ITPR2: variants seen among roughly 807,000 people sequenced by gnomAD.
ITPR2 encodes the protein inositol 1,4,5-trisphosphate-gated calcium channel ITPR2.
ITPR2 carries 207 observed loss-of-function variants against 317.1 expected under a neutral mutation model. The observed-to-expected ratio is 0.65, with a 90% CI of 0.58 to 0.73. ITPR2 has a LOEUF of 0.73. Ranked by LOEUF, ITPR2 falls within the 30% of genes least tolerant of loss-of-function variation. The pLI is 0.00. For synonymous variants in ITPR2, 1,156 were observed against 1,149.1 expected (o/e 1.01, Z -0.12); for missense variants, 2,613 against 3,284.0 (o/e 0.80, Z 4.99).
chr12:26,438,380 T>G (rs899746166), intron 47 of ITPR2, among the ~76,000 whole-genome samples: 1 of 152,138 alleles, frequency 6.6e-6, no homozygotes, highest in African/African-American at 2.4e-5. Context: ...AATAGAAGTA[T>G]TGAGAACATA....
intron 45 of ITPR2, among the ~76,000 whole-genome samples, chr12:26,461,110 C>T (rs1942008401): frequency 6.6e-6 from 1 of 152,158 alleles, no homozygotes; most frequent in African/African-American, 2.4e-5. Context: ...GGAGAAAGAA[C>T]CTCTGGAGTG....
At chr12:26,533,273 TG>T (rs1185488112) in intron 37 of ITPR2, among the ~76,000 whole-genome samples, 1 of 152,252 alleles carries the variant, frequency 6.6e-6, no homozygotes, top group Admixed American at 6.5e-5. Context: ...TCCAATCAAC[TG>T]GTTTTTTTCA....
At chr12:26,823,856 C>G (rs1480143188) in intron 1 of ITPR2, among the ~76,000 whole-genome samples, 1 of 152,098 alleles carries the variant, frequency 6.6e-6, no homozygotes, top group Non-Finnish European at 1.5e-5. Context: ...CACAAATCTC[C>G]TCAAAAACTA....
At chr12:26,583,189 T>C (rs1476012604) in intron 32 of ITPR2, among the ~76,000 whole-genome samples, 1 of 152,190 alleles carries the variant, frequency 6.6e-6, no homozygotes. Context: ...TATAATTGTT[T>C]TTATCAATTT....
intron 50 of ITPR2, among the ~76,000 whole-genome samples, chr12:26,418,039 A>G (rs1291674408): frequency 1.3e-5 from 2 of 152,212 alleles, no homozygotes; most frequent in African/African-American, 4.8e-5. Context: ...TTGCTGAATA[A>G]TCTAACTTAA....
At chr12:26,539,608 C>A (rs992062498) in intron 37 of ITPR2, among the ~76,000 whole-genome samples, 6 of 152,192 alleles carry the variant, frequency 3.9e-5, no homozygotes, top group African/African-American at 1.4e-4. Flanking sequence ...CTGCTCCAAT[C>A]CCCCTTGGCT....
At chr12:26,428,783 A>G (rs1002290096) in intron 48 of ITPR2, among the ~76,000 whole-genome samples, 5 of 152,214 alleles carry the variant, frequency 3.3e-5, no homozygotes, top group African/African-American at 4.8e-5. Flanking sequence ...TTTCTTTAAT[A>G]AGTAGTACAA....
At chr12:26,758,564 A>G (rs916665246) in intron 2 of ITPR2, among the ~76,000 whole-genome samples, 2 of 152,220 alleles carry the variant, frequency 1.3e-5, no homozygotes, top group African/African-American at 4.8e-5. Context: ...TTGCATGTCT[A>G]GTATATAAGG....
intron 54 of ITPR2, among the ~76,000 whole-genome samples, chr12:26,391,509 G>T (rs1473975103): frequency 6.7e-6 from 1 of 149,470 alleles, no homozygotes; most frequent in Non-Finnish European, 1.5e-5. Flanking sequence ...CAAAGCTAAG[G>T]CATCTGTATT....
intron 39 of ITPR2, among the ~76,000 whole-genome samples, chr12:26,487,748 AGTTTATGGAAAGTTACAAAG>A (rs1942705149): frequency 6.6e-6 from 1 of 152,148 alleles, no homozygotes; most frequent in Admixed American, 6.5e-5. Flanking sequence ...TATAAACATG[AGTTTATGGAAAGTTACAAAG>A]GACTATTTTT....
intron 2 of ITPR2, among the ~76,000 whole-genome samples, chr12:26,764,952 A>C (rs375692648): frequency 6.6e-6 from 1 of 152,070 alleles, no homozygotes; most frequent in Non-Finnish European, 1.5e-5. Flanking sequence ...ATGAAAAACA[A>C]TATTTCTGCA....
At chr12:26,424,076 C>T (rs1358481557) in intron 49 of ITPR2, among the ~76,000 whole-genome samples, 2 of 152,252 alleles carry the variant, frequency 1.3e-5, no homozygotes, top group East Asian at 1.9e-4. Flanking sequence ...TCCCCAAGAA[C>T]CAAAACACAA....
At chr12:26,598,875 GACA>G (rs1434225042) in intron 30 of ITPR2, among the ~76,000 whole-genome samples, 2 of 151,902 alleles carry the variant, frequency 1.3e-5, no homozygotes, top group Non-Finnish European at 2.9e-5. Flanking sequence ...CCAAACAATC[GACA>G]ACATTTCATA....
At chr12:26,520,458 G>C (rs1345990596) in intron 37 of ITPR2, among the ~76,000 whole-genome samples, 3 of 152,112 alleles carry the variant, frequency 2.0e-5, no homozygotes, top group Non-Finnish European at 1.5e-5. Context: ...GGTGTTTCCT[G>C]CTCAAAGCCA....
At chr12:26,776,681 T>C (rs1003796417) in intron 2 of ITPR2, among the ~76,000 whole-genome samples, 2 of 152,198 alleles carry the variant, frequency 1.3e-5, no homozygotes, top group African/African-American at 4.8e-5. Flanking sequence ...CCATCCCCAG[T>C]AGTGGCAACA....
At position 26,598,887 on chromosome 12, in the gene ITPR2, T is replaced by C. The variant is rs575785650; in HGVS notation, c.4002+258A>G. Among the ~76,000 whole-genome samples, 26 of 152,322 alleles carry C rather than the reference T, an allele frequency of 1.7e-4. 1 individual carries two copies. In the South Asian group the frequency reaches 5.2e-3, roughly 30 times the overall value. On this transcript the variant is annotated intron_variant, in intron 30 of 56. Coordinates refer to ENST00000381340, the MANE Select transcript of ITPR2 (RefSeq NM_002223.4). ...ATTCCAAACAATCGACAACATTTCA[T>C]AGGATTTTACCCATTTTTTAAAATA...
intron 45 of ITPR2, among the ~76,000 whole-genome samples, chr12:26,463,261 T>C (rs1430169965): frequency 6.6e-6 from 1 of 152,082 alleles, no homozygotes; most frequent in Non-Finnish European, 1.5e-5. Flanking sequence ...TGCTTTGGGG[T>C]TAGTGGATAT....
At chr12:26,339,768 ACT>A (rs1308898109) in intron 56 of ITPR2, among the ~76,000 whole-genome samples, 1 of 152,186 alleles carries the variant, frequency 6.6e-6, no homozygotes. Flanking sequence ...TACCATGGTT[ACT>A]GTTGATATTT....
At chr12:26,710,370 G>C (rs1181352010) in intron 9 of ITPR2, among the ~76,000 whole-genome samples, 4 of 152,158 alleles carry the variant, frequency 2.6e-5, no homozygotes, top group Non-Finnish European at 5.9e-5. Context: ...GAAGAAATTG[G>C]AGTGTAGTGT....
Sources: allele counts gnomAD v4.1 joint callset (sites outside exome capture counted in the v4.1 genomes callset), GRCh38; gene constraint gnomAD v4.1.1; transcripts MANE v1.5; gene names NCBI Gene and HGNC (gene_info 2026-07-23, HGNC 2026-07-21).